SPATA6: variants seen among roughly 807,000 people sequenced by gnomAD.
SPATA6 encodes the protein spermatogenesis-associated protein 6.
In SPATA6, 56 loss-of-function variants were observed where a neutral mutation model predicts 65.3. The observed-to-expected ratio is 0.86, with a 90% CI of 0.69 to 1.07. The LOEUF is 1.07. Among genes scored for constraint, SPATA6 ranks in the 50% least tolerant of loss-of-function variants. The pLI is 0.00. For synonymous variants in SPATA6, 199 were observed against 213.2 expected (o/e 0.93, Z 0.58); for missense variants, 590 against 594.8 (o/e 0.99, Z 0.08).
intron 11 of SPATA6, among the ~76,000 whole-genome samples, chr1:48,341,825 A>C (rs1220588946): frequency 6.6e-6 from 1 of 152,186 alleles, no homozygotes. Context: ...AAAGGCATTA[A>C]ATTTGCAGGC....
intron 9 of SPATA6, among the ~76,000 whole-genome samples, chr1:48,365,804 G>A (rs920633954): frequency 1.3e-5 from 2 of 152,072 alleles, no homozygotes; most frequent in Non-Finnish European, 2.9e-5. Flanking sequence ...CTGCCTAATT[G>A]CCCTGGCCAG....
At chr1:48,431,518 T>A (rs1042149372) in intron 3 of SPATA6, among the ~76,000 whole-genome samples, 2 of 152,170 alleles carry the variant, frequency 1.3e-5, no homozygotes, top group African/African-American at 4.8e-5. Context: ...TTTTCTAGGA[T>A]AGACCATATG....
chr1:48,355,006 T>TATAA (rs1646617352), intron 11 of SPATA6, among the ~76,000 whole-genome samples: 1 of 152,068 alleles, frequency 6.6e-6, no homozygotes, highest in Admixed American at 6.6e-5. Context: ...TATAAACCCC[T>TATAA]TATACCCCCC....
At chr1:48,369,379 G>A (rs567863500) in intron 9 of SPATA6, among the ~76,000 whole-genome samples, 14 of 152,320 alleles carry the variant, frequency 9.2e-5, no homozygotes, top group African/African-American at 3.4e-4. Flanking sequence ...GCCCCCAGAG[G>A]TGGAGCCTAC....
At chr1:48,347,673 G>C (rs2148784842) in intron 11 of SPATA6, among the ~76,000 whole-genome samples, 1 of 151,832 alleles carries the variant, frequency 6.6e-6, no homozygotes, top group East Asian at 1.9e-4. Context: ...TACTATCCCA[G>C]AGTCATGTAA....
chr1:48,274,262 T>C, the SPATA6 span, among the ~76,000 whole-genome samples: 1 of 152,206 alleles, frequency 6.6e-6, no homozygotes, highest in Non-Finnish European at 1.5e-5. Context: ...GATGGATAGA[T>C]TGCAAAAGTT....
chr1:48,465,636 G>C (rs1050296439), intron 1 of SPATA6, among the ~76,000 whole-genome samples: 1 of 151,866 alleles, frequency 6.6e-6, no homozygotes, highest in Non-Finnish European at 1.5e-5. Context: ...TAAATGCTTG[G>C]GCAAGACTAC....
intron 9 of SPATA6, among the ~76,000 whole-genome samples, chr1:48,383,059 T>G (rs1304854254): frequency 4.0e-5 from 2 of 50,150 alleles, no homozygotes; most frequent in South Asian, 1.6e-3. Flanking sequence ...ACCTCCCGGA[T>G]GGGGCGGCTG....
At chr1:48,304,067 T>C (rs1645001676) in intron 12 of SPATA6, among the ~76,000 whole-genome samples, 1 of 152,202 alleles carries the variant, frequency 6.6e-6, no homozygotes, top group Non-Finnish European at 1.5e-5. Flanking sequence ...TGAGTGTAGT[T>C]CCTCTAACCT....
chr1:48,400,049 C>A (rs1309923496), intron 6 of SPATA6, among the ~76,000 whole-genome samples: 2 of 151,834 alleles, frequency 1.3e-5, no homozygotes, highest in African/African-American at 2.4e-5. Flanking sequence ...GTTAAAAATA[C>A]ATGCCAGATT....
chr1:48,298,684 G>T lies in SPATA6; in HGVS notation c.*29C>A. The T allele has an allele frequency of 6.4e-7, 1 of 1,559,062 alleles. No homozygotes were observed. The highest frequency in any genetic ancestry group is 8.7e-7 in the Non-Finnish European group (1 of 1,152,080). ...ACATTTTCATTGAGAAATTGACACGGACACTAATGAGGTTTATCATGGATG... is the reference window on the plus strand; with the variant it reads ...ACATTTTCATTGAGAAATTGACACGTACACTAATGAGGTTTATCATGGATG... On this transcript the variant is annotated 3_prime_UTR_variant, in exon 13 of 13. Coordinates refer to ENST00000371847, the MANE Select transcript of SPATA6 (RefSeq NM_019073.4).
chr1:48,405,227 T>C (rs1458525621), intron 5 of SPATA6, among the ~76,000 whole-genome samples: 1 of 152,206 alleles, frequency 6.6e-6, no homozygotes, highest in African/African-American at 2.4e-5. Context: ...TTAGGCTACA[T>C]TTTCAATGTG....
At chr1:48,290,373 T>C (rs904070243), downstream of SPATA6, among the ~76,000 whole-genome samples, 3 of 152,230 alleles carry the variant, frequency 2.0e-5, no homozygotes, top group African/African-American at 2.4e-5. Context: ...AAGGAACAAC[T>C]GGTACCAGCC....
intron 9 of SPATA6, among the ~76,000 whole-genome samples, chr1:48,376,501 G>A (rs1221023108): frequency 3.3e-5 from 5 of 151,022 alleles, no homozygotes; most frequent in Non-Finnish European, 2.9e-5. Flanking sequence ...ATGCCTTCCT[G>A]GCTATTTTTG....
chr1:48,371,270 T>TATAGATAGATAGATAG (rs59198017), intron 9 of SPATA6, among the ~76,000 whole-genome samples: 112 of 131,710 alleles, frequency 8.5e-4, no homozygotes, highest in Non-Finnish European at 1.1e-3. Context: ...TATGTATCTA[T>TATAGATAGATAGATAG]ATAGATAGAT....
At chr1:48,436,098 T>C in intron 3 of SPATA6, 2 of 1,609,900 alleles carry the variant, frequency 1.2e-6, no homozygotes, top group Middle Eastern at 2.2e-4. Context: ...CTCCATCCAC[T>C]AGAGCCAGTG....
intron 11 of SPATA6, among the ~76,000 whole-genome samples, chr1:48,341,582 T>A (rs1485355663): frequency 4.6e-5 from 7 of 152,198 alleles, no homozygotes; most frequent in Non-Finnish European, 8.8e-5. Flanking sequence ...TGCTGGCCAT[T>A]TGGATATGCC....
intron 9 of SPATA6, among the ~76,000 whole-genome samples, chr1:48,367,580 T>C (rs1473537040): frequency 1.3e-5 from 2 of 152,162 alleles, no homozygotes; most frequent in Non-Finnish European, 2.9e-5. Context: ...TGATCTTTGT[T>C]GGTTTAAAGT....
At chr1:48,350,141 G>C (rs907651475) in intron 11 of SPATA6, among the ~76,000 whole-genome samples, 12 of 151,746 alleles carry the variant, frequency 7.9e-5, no homozygotes, top group Non-Finnish European at 7.4e-5. Context: ...TTGGGTGTAT[G>C]GTGGTATATC....
Sources: gnomAD v4.1 joint callset for allele counts (sites outside exome capture counted in the v4.1 genomes callset) on GRCh38, gnomAD v4.1.1 for gene constraint, MANE v1.5 for transcripts, NCBI Gene and HGNC (gene_info 2026-07-23, HGNC 2026-07-21) for gene names.